QKI: variants seen among roughly 807,000 people sequenced by gnomAD.
The protein encoded by QKI is KH domain-containing RNA-binding protein QKI.
A neutral mutation model predicts 39.0 loss-of-function variants in QKI; 10 were observed. The ratio of observed to expected loss-of-function variants is 0.26; its 90% confidence interval spans 0.16 to 0.43. QKI has a LOEUF of 0.43. Ranked by LOEUF, QKI falls within the 20% of genes least tolerant of loss-of-function variation. QKI has a pLI of 1.00. For missense variants in QKI, 218 were observed against 428.0 expected (o/e 0.51, Z 4.33); for synonymous variants, 204 against 155.4 (o/e 1.31, Z -2.33).
At chr6:163,565,584 GTAAAA>G (rs1364626322) in intron 6 of QKI, 2 of 994,208 alleles carry the variant, frequency 2.0e-6, no homozygotes, top group South Asian at 4.6e-5. Flanking sequence ...TATTAGACTG[GTAAAA>G]TAAAGACCAA....
chr6:163,495,917 A>G (rs551771660), intron 3 of QKI, among the ~76,000 whole-genome samples: 8 of 152,182 alleles, frequency 5.3e-5, no homozygotes, highest in South Asian at 2.1e-4. Context: ...TGAGTTATGT[A>G]TTGTCACCGT....
intron 3 of QKI, among the ~76,000 whole-genome samples, chr6:163,483,671 TC>T (rs1793253898): frequency 6.6e-6 from 1 of 152,158 alleles, no homozygotes; most frequent in African/African-American, 2.4e-5. Context: ...TCTTGCTCTT[TC>T]CACCACATCT....
intron 3 of QKI, among the ~76,000 whole-genome samples, chr6:163,522,232 C>T (rs1275982726): frequency 6.6e-6 from 1 of 152,118 alleles, no homozygotes; most frequent in Non-Finnish European, 1.5e-5. Context: ...GGTGTCACTC[C>T]CTCAATTGCA....
intron 1 of QKI, among the ~76,000 whole-genome samples, chr6:163,433,506 C>G (rs1788999808): frequency 6.6e-6 from 1 of 152,174 alleles, no homozygotes; most frequent in Non-Finnish European, 1.5e-5. Context: ...GTGGCTCATG[C>G]CTGTAATCCC....
intron 6 of QKI, chr6:163,566,118 T>C (rs1783349575): frequency 6.9e-7 from 1 of 1,444,546 alleles, no homozygotes; most frequent in African/African-American, 1.4e-5. Flanking sequence ...TAAAATTATG[T>C]TATTAATTTG....
intron 2 of QKI, among the ~76,000 whole-genome samples, chr6:163,473,133 CCTT>C (rs1367749167): frequency 1.3e-5 from 2 of 152,156 alleles, no homozygotes; most frequent in African/African-American, 2.4e-5. Context: ...GCTCCTTAGT[CCTT>C]CTTCCAGTCA....
chr6:163,427,439 A>G (rs1299005124), intron 1 of QKI, among the ~76,000 whole-genome samples: 2 of 152,056 alleles, frequency 1.3e-5, no homozygotes, highest in Non-Finnish European at 2.9e-5. Context: ...TAATATAGCC[A>G]GTGACCCATT....
intron 3 of QKI, among the ~76,000 whole-genome samples, chr6:163,521,472 A>C (rs1780151573): frequency 6.6e-6 from 1 of 152,192 alleles, no homozygotes; most frequent in Admixed American, 6.5e-5. Flanking sequence ...AAAGGTTGAA[A>C]GTCATTACCA....
chr6:163,499,670 A>C (rs935339346), intron 3 of QKI, among the ~76,000 whole-genome samples: 1 of 152,148 alleles, frequency 6.6e-6, no homozygotes, highest in Non-Finnish European at 1.5e-5. Flanking sequence ...CCTTCTAAAA[A>C]ATCAAGCTAT....
chr6:163,512,206 C>A (rs770990684), intron 3 of QKI, among the ~76,000 whole-genome samples: 12 of 151,906 alleles, frequency 7.9e-5, no homozygotes, highest in Non-Finnish European at 1.6e-4. Flanking sequence ...GATAAATTCG[C>A]CTTATGAAAA....
chr6:163,490,060 T>A (rs1457766235), intron 3 of QKI, among the ~76,000 whole-genome samples: 2 of 152,180 alleles, frequency 1.3e-5, no homozygotes, highest in East Asian at 3.8e-4. Flanking sequence ...TCTTACAAAT[T>A]GTATTCTTAT....
Position 163,563,533 on chromosome 6 carries a change from A to T in QKI, c.748A>T (p.Thr250Ser). The change falls in exon 6 of 8, where the codon ACC becomes TCC. Residue 250 changes from threonine to serine, a missense_variant. Thr to Ser is a moderately conservative substitution (Grantham distance 58). Transcript: ENST00000361752. ...GCGTACTCCTACGCCAGCTGGCCCTACCATAATGCCTTTGATCAGACAAAT... is the reference window on the plus strand; with the variant it reads ...GCGTACTCCTACGCCAGCTGGCCCTTCCATAATGCCTTTGATCAGACAAAT... The part of the protein sequence containing the change: ...ALRTPTPAGP[T>S]IMPLIRQIQT... 1 of 1,614,132 alleles carries T rather than the reference A, an allele frequency of 6.2e-7. No homozygotes were observed. The highest frequency in any genetic ancestry group is 1.1e-5 in the South Asian group (1 of 91,080).
chr6:163,451,231 A>G (rs920145553), intron 1 of QKI, among the ~76,000 whole-genome samples: 2 of 152,234 alleles, frequency 1.3e-5, no homozygotes, highest in African/African-American at 4.8e-5. Context: ...TTGCCAAGGA[A>G]GTAAAGATAT....
intron 1 of QKI, 137 bp downstream of exon 1, chr6:163,415,472 C>T (rs1787370924): frequency 1.3e-6 from 1 of 799,984 alleles, no homozygotes; most frequent in Non-Finnish European, 1.7e-6. Context: ...GCCAGGAGGG[C>T]GCACAAAGGA....
At chr6:163,467,751 C>T (rs1791874508) in intron 2 of QKI, among the ~76,000 whole-genome samples, 1 of 152,008 alleles carries the variant, frequency 6.6e-6, no homozygotes, top group Non-Finnish European at 1.5e-5. Flanking sequence ...GCTCGTTTTC[C>T]CTCAAAACAC....
At chr6:163,570,426 A>G (rs902771834) in intron 7 of QKI, 5 of 956,076 alleles carry the variant, frequency 5.2e-6, no homozygotes, top group East Asian at 1.3e-4. Context: ...TTTTATTTCT[A>G]TTTTTTCTTG....
intron 3 of QKI, among the ~76,000 whole-genome samples, chr6:163,512,946 A>G (rs1424795454): frequency 1.3e-5 from 2 of 152,196 alleles, no homozygotes; most frequent in Non-Finnish European, 2.9e-5. Flanking sequence ...TGAAAATTAT[A>G]TAGTAGTCCT....
chr6:163,560,092 TTCTCA>T (rs1323710694), intron 4 of QKI, among the ~76,000 whole-genome samples: 3 of 152,116 alleles, frequency 2.0e-5, no homozygotes, highest in African/African-American at 7.2e-5. Context: ...AGTTAAAGAC[TTCTCA>T]TACCAGTCAC....
chr6:163,495,330 A>G (rs1197561389), intron 3 of QKI, among the ~76,000 whole-genome samples: 1 of 152,154 alleles, frequency 6.6e-6, no homozygotes, highest in East Asian at 1.9e-4. Context: ...GAGGAGCAGT[A>G]TTGGCTAATT....
Sources: gnomAD v4.1 joint callset for allele counts (sites outside exome capture counted in the v4.1 genomes callset) on GRCh38, gnomAD v4.1.1 for gene constraint, MANE v1.5 for transcripts, NCBI Gene and HGNC (gene_info 2026-07-23, HGNC 2026-07-21) for gene names.